The following ROBO2 variants were observed in gnomAD, a reference collection of about 807,000 sequenced individuals.
ROBO2 encodes roundabout guidance receptor 2.
Under a neutral mutation model 160.8 loss-of-function variants are expected in ROBO2, and 53 were observed. That is an observed-to-expected ratio of 0.33 (90% CI 0.26 to 0.41). The LOEUF (loss-of-function observed/expected upper bound fraction) is 0.41. ROBO2 is among the 10% of genes least tolerant of loss of function. ROBO2 has a pLI of 1.00. For missense variants in ROBO2, 1,577 were observed against 1,722.4 expected (o/e 0.92, Z 1.49); for synonymous variants, 664 against 611.7 (o/e 1.09, Z -1.26).
At chr3:76,296,684 G>A (rs1240592335) in intron 2 of ROBO2, among the ~76,000 whole-genome samples, 1 of 152,158 alleles carries the variant, frequency 6.6e-6, no homozygotes, top group Non-Finnish European at 1.5e-5. Flanking sequence ...AGTATTTCTT[G>A]TGCAACTATG....
chr3:76,574,693 A>G (rs1193276623), intron 2 of ROBO2, among the ~76,000 whole-genome samples: 1 of 152,056 alleles, frequency 6.6e-6, no homozygotes, highest in African/African-American at 2.4e-5. Flanking sequence ...CTTCAAGGAG[A>G]ATGAACTAAA....
At chr3:76,127,112 C>T (rs1159449161) in intron 2 of ROBO2, among the ~76,000 whole-genome samples, 1 of 152,096 alleles carries the variant, frequency 6.6e-6, no homozygotes, top group Non-Finnish European at 1.5e-5. Context: ...CAAAGCTTTT[C>T]CTTAAAGATG....
At chr3:77,055,113 C>T (rs905560600) in intron 1 of ROBO2, among the ~76,000 whole-genome samples, 1 of 151,890 alleles carries the variant, frequency 6.6e-6, no homozygotes, top group Non-Finnish European at 1.5e-5. Flanking sequence ...TCATTTGGAA[C>T]TCACCCTTCT....
intron 2 of ROBO2, among the ~76,000 whole-genome samples, chr3:76,951,376 C>T (rs992446510): frequency 6.6e-6 from 1 of 152,200 alleles, no homozygotes; most frequent in Non-Finnish European, 1.5e-5. Flanking sequence ...GTGCTAACCT[C>T]ACTCATCCCA....
chr3:76,549,995 A>T (rs2083321403), intron 2 of ROBO2, among the ~76,000 whole-genome samples: 1 of 152,228 alleles, frequency 6.6e-6, no homozygotes, highest in Admixed American at 6.5e-5. Flanking sequence ...CTAATAATCT[A>T]ACTGAATTTT....
chr3:76,013,363 A>G (rs2066268613), intron 2 of ROBO2, among the ~76,000 whole-genome samples: 1 of 142,934 alleles, frequency 7.0e-6, no homozygotes, highest in Admixed American at 7.1e-5. Context: ...GTGTAATCCC[A>G]GAAGTGGTAT....
intron 15 of ROBO2, among the ~76,000 whole-genome samples, chr3:77,577,927 A>G (rs1293000405): frequency 2.0e-5 from 3 of 151,950 alleles, no homozygotes; most frequent in African/African-American, 7.2e-5. Context: ...TAGAAAATGG[A>G]TTTTATCTTT....
intron 17 of ROBO2, among the ~76,000 whole-genome samples, chr3:77,591,063 TAAATA>T (rs1277269150): frequency 6.6e-6 from 1 of 152,108 alleles, no homozygotes; most frequent in African/African-American, 2.4e-5. Context: ...TGAAGCTCAG[TAAATA>T]TAAACAATTT....
chr3:76,539,808 C>A (rs2082718103), intron 2 of ROBO2, among the ~76,000 whole-genome samples: 1 of 152,092 alleles, frequency 6.6e-6, no homozygotes, highest in Non-Finnish European at 1.5e-5. Context: ...GTAATCAGAC[C>A]AGTGATCCAG....
chr3:77,353,665 C>T (rs7431351), intron 2 of ROBO2, among the ~76,000 whole-genome samples: 51,964 of 151,654 alleles, frequency 0.34, 9,297 homozygotes, highest in Non-Finnish European at 0.38. Flanking sequence ...CATGCACCAC[C>T]ATGCCCGGCT....
intron 1 of ROBO2, among the ~76,000 whole-genome samples, chr3:75,909,660 C>T (rs1946482770): frequency 6.6e-6 from 1 of 152,136 alleles, no homozygotes; most frequent in South Asian, 2.1e-4. Context: ...CCCTCAGATC[C>T]TACAAAATAC....
At chr3:76,552,757 T>A (rs924292740) in intron 2 of ROBO2, among the ~76,000 whole-genome samples, 2 of 152,178 alleles carry the variant, frequency 1.3e-5, no homozygotes, top group Non-Finnish European at 2.9e-5. Context: ...ACCTGAAGGA[T>A]GAGACAGAGC....
intron 2 of ROBO2, among the ~76,000 whole-genome samples, chr3:77,033,658 T>C (rs1285477640): frequency 6.6e-6 from 1 of 152,160 alleles, no homozygotes; most frequent in Non-Finnish European, 1.5e-5. Flanking sequence ...ATACTAGTCA[T>C]ACCTGAAAGT....
intron 2 of ROBO2, among the ~76,000 whole-genome samples, chr3:76,508,866 A>T (rs1471599066): frequency 6.6e-6 from 1 of 152,184 alleles, no homozygotes; most frequent in African/African-American, 2.4e-5. Context: ...TGATTTCATT[A>T]ATATAGTAAG....
intron 2 of ROBO2, among the ~76,000 whole-genome samples, chr3:76,123,624 C>G (rs931848269): frequency 6.6e-6 from 1 of 152,062 alleles, no homozygotes; most frequent in Non-Finnish European, 1.5e-5. Context: ...GTTTTGGACT[C>G]TCCTGTCACT....
chr3:77,247,114 G>A (rs554038377), intron 2 of ROBO2, among the ~76,000 whole-genome samples: 1 of 152,310 alleles, frequency 6.6e-6, no homozygotes, highest in South Asian at 2.1e-4. Flanking sequence ...TCTACCAAGA[G>A]CTGAATCATT....
intron 2 of ROBO2, among the ~76,000 whole-genome samples, chr3:76,295,427 A>T (rs748928647): frequency 1.3e-5 from 2 of 151,994 alleles, no homozygotes; most frequent in African/African-American, 4.8e-5. Context: ...GATGTTTGCA[A>T]TTCTCGGAAG....
At chr3:76,955,980 C>T (rs1480913327) in intron 2 of ROBO2, among the ~76,000 whole-genome samples, 1 of 151,818 alleles carries the variant, frequency 6.6e-6, no homozygotes, top group Non-Finnish European at 1.5e-5. Context: ...GTGGCCTTAA[C>T]CCACAAATGT....
intron 2 of ROBO2, among the ~76,000 whole-genome samples, chr3:76,640,258 C>T (rs1403184290): frequency 1.3e-5 from 2 of 152,112 alleles, no homozygotes; most frequent in African/African-American, 4.8e-5. Flanking sequence ...GGGCCGGGCG[C>T]GGTGGCTCAC....
Sources: gnomAD v4.1 joint callset for allele counts (sites outside exome capture counted in the v4.1 genomes callset) on GRCh38, gnomAD v4.1.1 for gene constraint, MANE v1.5 for transcripts, NCBI Gene and HGNC (gene_info 2026-07-23, HGNC 2026-07-21) for gene names.